The following EFCAB5 variants were observed in gnomAD, a reference collection of about 807,000 sequenced individuals.
EFCAB5 encodes EF-hand calcium-binding domain-containing protein 5.
A neutral mutation model predicts 167.9 loss-of-function variants in EFCAB5; 131 were observed. That is an observed-to-expected ratio of 0.78 (90% CI 0.68 to 0.90). The LOEUF (loss-of-function observed/expected upper bound fraction) is 0.90, where lower values mean the gene tolerates loss of function less well. Among genes scored for constraint, EFCAB5 ranks in the 40% least tolerant of loss-of-function variants. EFCAB5 has a pLI of 0.00. For synonymous variants in EFCAB5, 574 were observed against 602.8 expected, an observed-to-expected ratio of 0.95 and a Z score of 0.70; for missense variants, 1,663 against 1,745.2, an observed-to-expected ratio of 0.95 and a Z score of 0.84.
intron 4 of EFCAB5, among the ~76,000 whole-genome samples, chr17:29,986,668 AG>A (rs2068290437): frequency 5.5e-5 from 1 of 18,024 alleles, no homozygotes; most frequent in African/African-American, 2.9e-4. Context: ...TTTTTTTTTG[AG>A]ACGGAGTCTC....
intron 3 of EFCAB5, among the ~76,000 whole-genome samples, chr17:29,957,099 C>T (rs1465513111): frequency 2.0e-5 from 3 of 151,880 alleles, no homozygotes; most frequent in Non-Finnish European, 2.9e-5. Flanking sequence ...TCATATATGG[C>T]TTTTATTCTG....
chr17:29,946,832 A>G (rs1011536872), intron 3 of EFCAB5, among the ~76,000 whole-genome samples: 8 of 152,326 alleles, frequency 5.3e-5, no homozygotes, highest in Middle Eastern at 3.4e-3. Flanking sequence ...ATAAGTCATT[A>G]TATTAAAAAG....
At chr17:30,078,529 A>T (rs1398607957) in intron 15 of EFCAB5, 25 bp downstream of exon 15, 1 of 1,526,970 alleles carries the variant, frequency 6.5e-7, no homozygotes, top group Non-Finnish European at 8.8e-7. Flanking sequence ...GCAGTATGTA[A>T]GAGGAAACAT....
intron 14 of EFCAB5, chr17:30,068,855 A>T: frequency 7.0e-7 from 1 of 1,426,220 alleles, no homozygotes. Flanking sequence ...GATTATATTA[A>T]TGCTTATAGC....
At position 29,969,259 on chromosome 17, in the gene EFCAB5, G is replaced by A. The variant is rs1318853288; in HGVS notation, c.659G>A (p.Arg220Lys). 1 of 1,613,716 alleles carries A rather than the reference G, an allele frequency of 6.2e-7. No homozygotes were observed. The highest frequency in any genetic ancestry group is 1.1e-5 in the South Asian group (1 of 91,066). The change falls in exon 4 of 23, where the codon AGA becomes AAA. Residue 220 changes from arginine to lysine, a missense_variant. Arg to Lys is a conservative substitution (Grantham distance 26). Transcript: ENST00000394835. ...PINYLGEYLI[R>K]NNPNYIKDPG... Reference sequence around the variant, plus strand: ...AATTATTTGGGGGAATATTTAATAAGAAACAATCCTAATTATATCAAAGAC... The same window carrying A: ...AATTATTTGGGGGAATATTTAATAAAAAACAATCCTAATTATATCAAAGAC...
At chr17:29,942,052 CT>C (rs1441957689) in intron 1 of EFCAB5, among the ~76,000 whole-genome samples, 187 bp from the exon 2 acceptor site, 28 of 152,250 alleles carry the variant, frequency 1.8e-4, no homozygotes, top group Admixed American at 1.0e-3. Context: ...CATTCCTTGA[CT>C]ATATATAAAA....
chr17:30,099,947 C>G (rs577171722), intron 22 of EFCAB5, among the ~76,000 whole-genome samples: 1 of 152,158 alleles, frequency 6.6e-6, no homozygotes, highest in South Asian at 2.1e-4. Flanking sequence ...TCTGTATTCA[C>G]TCTTTGGAAT....
At chr17:29,973,473 C>T (rs1246286158) in intron 4 of EFCAB5, among the ~76,000 whole-genome samples, 17 of 148,736 alleles carry the variant, frequency 1.1e-4, no homozygotes, top group Admixed American at 2.0e-4. Context: ...TTTATATTTC[C>T]TTTTTCCTTT....
intron 4 of EFCAB5, among the ~76,000 whole-genome samples, chr17:29,971,933 A>G (rs1200318917): frequency 2.6e-5 from 4 of 152,090 alleles, no homozygotes; most frequent in African/African-American, 7.2e-5. Context: ...TTTAATATAT[A>G]TTCAATATAT....
In EFCAB5 at chr17:30,069,967, G is replaced by C. The variant is rs564918250; in HGVS notation, c.2738-8248G>C. 1.2e-4 allele frequency among the ~76,000 whole-genome samples: 18 copies of C among 152,226 alleles called. No homozygotes were observed. In the East Asian group the frequency reaches 1.5e-3, roughly 13 times the overall value. Reference sequence around the variant, plus strand: ...CCTGAACTTGAGGCCGCCTTGGCAGGGGGGGCTGCTCCAGTAGCAGGGGCA... The same window carrying C: ...CCTGAACTTGAGGCCGCCTTGGCAGCGGGGGCTGCTCCAGTAGCAGGGGCA... On this transcript the variant is annotated intron_variant, in intron 14 of 22. Coordinates refer to ENST00000394835, the MANE Select transcript of EFCAB5 (RefSeq NM_198529.4).
At chr17:30,092,525 T>A (rs2071220732) in intron 21 of EFCAB5, among the ~76,000 whole-genome samples, 1 of 152,128 alleles carries the variant, frequency 6.6e-6, no homozygotes, top group East Asian at 1.9e-4. Context: ...GTAGCTGGGA[T>A]TACAGGTGCC....
chr17:30,050,064 T>C (rs1254729992), intron 8 of EFCAB5, among the ~76,000 whole-genome samples: 3 of 152,066 alleles, frequency 2.0e-5, no homozygotes, highest in South Asian at 4.2e-4. Context: ...TTTACAGATA[T>C]GAATTAGATC....
At chr17:30,049,704 ACT>A (rs2070031909) in intron 8 of EFCAB5, among the ~76,000 whole-genome samples, 1 of 152,174 alleles carries the variant, frequency 6.6e-6, no homozygotes, top group Non-Finnish European at 1.5e-5. Flanking sequence ...AAAATAATAA[ACT>A]CTAACAATAT....
chr17:29,951,604 C>G (rs2067513894), intron 3 of EFCAB5, among the ~76,000 whole-genome samples: 1 of 152,032 alleles, frequency 6.6e-6, no homozygotes, highest in African/African-American at 2.4e-5. Context: ...ATCTGCCCGC[C>G]TTGGCCTCCC....
At chr17:29,942,869 C>A (rs2067321127) in intron 2 of EFCAB5, among the ~76,000 whole-genome samples, 1 of 152,088 alleles carries the variant, frequency 6.6e-6, no homozygotes, top group African/African-American at 2.4e-5. Flanking sequence ...GAAACTCCAT[C>A]TCTACTAATA....
At chr17:29,956,131 GT>G (rs956502447) in intron 3 of EFCAB5, among the ~76,000 whole-genome samples, 2 of 152,166 alleles carry the variant, frequency 1.3e-5, no homozygotes, top group Admixed American at 6.5e-5. Context: ...TATTGAAACA[GT>G]TTTTTAGGGA....
intron 8 of EFCAB5, among the ~76,000 whole-genome samples, chr17:30,038,218 CTTCTT>C (rs1419617611): frequency 3.9e-5 from 6 of 152,228 alleles, no homozygotes; most frequent in Non-Finnish European, 7.3e-5. Context: ...AGCAGACTCT[CTTCTT>C]AGAGGCTAGT....
In EFCAB5 at chr17:30,057,659, T is replaced by C. The variant is rs372476441; in HGVS notation, c.2366-17T>C. Reference sequence around the variant, plus strand: ...AATTGTTCACTTTACTGCTTGGTAATGTTTCTTGCTTGACAGATTTACACT... The same window carrying C: ...AATTGTTCACTTTACTGCTTGGTAACGTTTCTTGCTTGACAGATTTACACT... On this transcript the variant is annotated splice_polypyrimidine_tract_variant and intron_variant, in intron 12 of 22. Coordinates refer to ENST00000394835, the MANE Select transcript of EFCAB5 (RefSeq NM_198529.4). The C allele has an allele frequency of 7.9e-5, 126 of 1,602,432 alleles. No homozygotes were observed. Among genetic ancestry groups the C allele is most frequent in the Non-Finnish European group, 1.0e-4 (120 of 1,171,024 alleles).
chr17:29,940,496 C>A (rs977643159), upstream of EFCAB5, among the ~76,000 whole-genome samples: 10 of 152,126 alleles, frequency 6.6e-5, no homozygotes. Context: ...GCATCCAAAC[C>A]AAATAGATTT....
Sources: allele counts gnomAD v4.1 joint callset (sites outside exome capture counted in the v4.1 genomes callset), GRCh38; gene constraint gnomAD v4.1.1; transcripts MANE v1.5; gene names NCBI Gene and HGNC (gene_info 2026-07-23, HGNC 2026-07-21).